Variants in ADAMTSL3 observed in about 807,000 individuals in gnomAD.
ADAMTSL3 encodes the protein ADAMTS like 3.
Under a neutral mutation model 201.7 loss-of-function variants are expected in ADAMTSL3, and 128 were observed. The ratio of observed to expected loss-of-function variants is 0.63; its 90% CI spans 0.55 to 0.73. The LOEUF (loss-of-function observed/expected upper bound fraction) is 0.73. Ranked by LOEUF, ADAMTSL3 falls within the 30% of genes least tolerant of loss-of-function variation. The pLI is 0.00. For missense variants in ADAMTSL3, 1,990 were observed against 2,119.6 expected, an observed-to-expected ratio of 0.94 and a Z score of 1.20; for synonymous variants, 738 against 748.4, an observed-to-expected ratio of 0.99 and a Z score of 0.23.
At chr15:83,932,231 T>C (rs1251777449) in intron 17 of ADAMTSL3, among the ~76,000 whole-genome samples, 1 of 152,224 alleles carries the variant, frequency 6.6e-6, no homozygotes, top group Non-Finnish European at 1.5e-5. Flanking sequence ...AACCACATGA[T>C]GGACTTGATA....
intron 17 of ADAMTSL3, among the ~76,000 whole-genome samples, chr15:83,936,229 A>G (rs1323735148): frequency 6.6e-6 from 1 of 151,670 alleles, no homozygotes; most frequent in African/African-American, 2.4e-5. Context: ...AGGCCCTTAT[A>G]CCATTTGTTA....
rs1413449288 is a variant in ADAMTSL3, at chr15:84,037,726, T to C, written c.4996T>C (p.Cys1666Arg). ...AGACTGCACAGACACAACTCACTAC[T>C]GTATGTTTGTAAAACATCTTAATTT... ...DRDCTDTTHY[C>R]MFVKHLNLCS... The change falls in exon 30 of 30, where the codon TGT becomes CGT. Residue 1666 changes from cysteine (C) to arginine (R), a missense_variant. Physicochemically the swap from Cys to Arg is radical, Grantham distance 180. Transcript: ENST00000286744. The C allele has an allele frequency of 2.5e-6, 4 of 1,612,900 alleles. No homozygotes were observed. Among genetic ancestry groups the C allele is most frequent in the Non-Finnish European group, 3.4e-6 (4 of 1,179,510 alleles).
chr15:83,913,911 A>T (rs1431238254), intron 16 of ADAMTSL3, among the ~76,000 whole-genome samples: 1 of 152,030 alleles, frequency 6.6e-6, no homozygotes, highest in Non-Finnish European at 1.5e-5. Flanking sequence ...TAGCCAGGTG[A>T]CCCCTTTGGG....
chr15:83,984,260 G>T (rs998415484), intron 21 of ADAMTSL3, among the ~76,000 whole-genome samples: 3 of 152,234 alleles, frequency 2.0e-5, no homozygotes, highest in African/African-American at 7.2e-5. Context: ...CACAGCAGAT[G>T]TGAAACTGTT....
intron 25 of ADAMTSL3, among the ~76,000 whole-genome samples, chr15:84,020,968 C>T (rs1371444397): frequency 6.6e-6 from 1 of 152,160 alleles, no homozygotes; most frequent in African/African-American, 2.4e-5. Context: ...ATCCCTAGTC[C>T]CTGTTCCTCC....
intron 15 of ADAMTSL3, among the ~76,000 whole-genome samples, chr15:83,901,785 T>C (rs1444842514): frequency 6.6e-6 from 1 of 152,182 alleles, no homozygotes; most frequent in Non-Finnish European, 1.5e-5. Flanking sequence ...TCTGATCACC[T>C]ACAATCCTGT....
chr15:83,961,352 C>T (rs899239329), intron 19 of ADAMTSL3, among the ~76,000 whole-genome samples: 1 of 151,998 alleles, frequency 6.6e-6, no homozygotes, highest in African/African-American at 2.4e-5. Context: ...AACATAAACA[C>T]AATTGGTATT....
chr15:84,036,364 C>T (rs2068505599), intron 28 of ADAMTSL3, among the ~76,000 whole-genome samples: 1 of 152,110 alleles, frequency 6.6e-6, no homozygotes. Context: ...ATGTTTTGAG[C>T]GCTTACAAAC....
chr15:83,828,892 GATAAGTTTTTTGATGTGC>G (rs1233798497), intron 6 of ADAMTSL3, among the ~76,000 whole-genome samples: 1 of 152,204 alleles, frequency 6.6e-6, no homozygotes, highest in Non-Finnish European at 1.5e-5. Flanking sequence ...GATCATGGTG[GATAAGTTTTTTGATGTGC>G]TGCTGGATTT....
intron 2 of ADAMTSL3, among the ~76,000 whole-genome samples, chr15:83,662,091 A>G (rs1049953235): frequency 2.1e-5 from 3 of 144,950 alleles, no homozygotes; most frequent in South Asian, 4.8e-4. Flanking sequence ...CCAAATGACT[A>G]TAAATCATGC....
At chr15:83,690,047 T>G (rs2061591449) in intron 2 of ADAMTSL3, among the ~76,000 whole-genome samples, 1 of 152,208 alleles carries the variant, frequency 6.6e-6, no homozygotes, top group South Asian at 2.1e-4. Flanking sequence ...ACTTTGCCAC[T>G]TGTCCCAATA....
chr15:83,982,488 C>T lies in ADAMTSL3; in HGVS notation c.2860C>T (p.Gln954Ter). The T allele has an allele frequency of 6.2e-7, 1 of 1,614,204 alleles. No homozygotes were observed. The highest frequency in any genetic ancestry group is 8.5e-7 in the Non-Finnish European group (1 of 1,180,036). Residue 954 changes from glutamine (Q) to a stop codon, truncating the protein, a stop_gained, in exon 21 of 30, where the codon CAG becomes TAG. Transcript: ENST00000286744. LOFTEE classifies it high-confidence loss of function. ...GTGGGAGAAGGATGGCCGTTGCCTGCAGAACTCCAAACGGCTTGGCATCAC... is the reference window on the plus strand; with the variant it reads ...GTGGGAGAAGGATGGCCGTTGCCTGTAGAACTCCAAACGGCTTGGCATCAC... ...IQWEKDGRCL[Q>*]NSKRLGITKS...
chr15:83,908,712 A>G (rs765837420), intron 15 of ADAMTSL3, among the ~76,000 whole-genome samples: 1 of 152,140 alleles, frequency 6.6e-6, no homozygotes, highest in Admixed American at 6.5e-5. Flanking sequence ...TCATGCTCAA[A>G]GTTTTGTTAG....
intron 4 of ADAMTSL3, among the ~76,000 whole-genome samples, chr15:83,791,498 A>G (rs1464583440): frequency 6.6e-6 from 1 of 152,186 alleles, no homozygotes; most frequent in East Asian, 1.9e-4. Context: ...TTGTCTCTTC[A>G]ATAAATGGTG....
chr15:83,766,224 C>T (rs1170479472), intron 3 of ADAMTSL3, among the ~76,000 whole-genome samples: 1 of 152,188 alleles, frequency 6.6e-6, no homozygotes, highest in African/African-American at 2.4e-5. Flanking sequence ...ATTGCCTCAC[C>T]ACAGCCCTTG....
chr15:84,000,899 T>C (rs927139455), intron 23 of ADAMTSL3, among the ~76,000 whole-genome samples: 1 of 152,138 alleles, frequency 6.6e-6, no homozygotes, highest in African/African-American at 2.4e-5. Context: ...TGGACCAGAA[T>C]GTGAAGGGCT....
intron 16 of ADAMTSL3, 91 bp from the exon 17 acceptor site, chr15:83,923,813 C>T: frequency 1.4e-6 from 2 of 1,478,898 alleles, no homozygotes; most frequent in Non-Finnish European, 1.8e-6. Context: ...GGGCAGTATG[C>T]TAAGAATGAG....
chr15:84,021,424 C>A lies in ADAMTSL3; in HGVS notation c.4288C>A (p.Pro1430Thr), dbSNP rs772501583. The change falls in exon 26 of 30, where the codon CCT (proline) becomes ACT (threonine). Residue 1430 changes from proline (P) to threonine (T), a missense_variant. Transcript: ENST00000286744. ...TCTTTCTGCAGAGCCTTTTTGGGAG[C>A]CTGGTAACTGGTCACATTGTTCTGC... Reference protein sequence around the residue: ...EPPPQEPFWEPGNWSHCSATC... With the variant: ...EPPPQEPFWETGNWSHCSATC... The A allele has an allele frequency of 1.4e-5, 22 of 1,613,936 alleles. 1 individual carries two copies. In the South Asian group the frequency reaches 2.4e-4, roughly 18 times the overall value.
intron 2 of ADAMTSL3, among the ~76,000 whole-genome samples, chr15:83,691,780 A>C (rs959114113): frequency 6.6e-6 from 1 of 151,938 alleles, no homozygotes; most frequent in African/African-American, 2.4e-5. Context: ...ATGCCCAGCT[A>C]ATTTTTGTAT....
Sources: gnomAD v4.1 joint callset for allele counts (sites outside exome capture counted in the v4.1 genomes callset) on GRCh38, gnomAD v4.1.1 for gene constraint, MANE v1.5 for transcripts, NCBI Gene and HGNC (gene_info 2026-07-23, HGNC 2026-07-21) for gene names.